The following FEZ1 variants were observed in gnomAD, a reference collection of about 807,000 sequenced individuals.
FEZ1 encodes the protein fasciculation and elongation protein zeta-1.
In FEZ1, 20 loss-of-function variants were observed where a neutral mutation model predicts 49.3. That is an observed-to-expected ratio of 0.41 (90% CI 0.29 to 0.59). The LOEUF is 0.59. Among genes scored for constraint, FEZ1 ranks in the 20% least tolerant of loss-of-function variants. The pLI is 0.36. For synonymous variants in FEZ1, 170 were observed against 180.9 expected (o/e 0.94, Z 0.48); for missense variants, 413 against 476.0 (o/e 0.87, Z 1.23).
intron 8 of FEZ1, among the ~76,000 whole-genome samples, chr11:125,450,678 A>G (rs1956946337): frequency 6.6e-6 from 1 of 152,236 alleles, no homozygotes; most frequent in Non-Finnish European, 1.5e-5. Flanking sequence ...TCTAAAAGCA[A>G]TAAAATGTTG....
intron 3 of FEZ1, 101 bp downstream of exon 3, chr11:125,481,433 C>T: frequency 2.5e-6 from 2 of 802,274 alleles, no homozygotes; most frequent in Non-Finnish European, 2.3e-6. Context: ...AGGCATGAGC[C>T]TCCATCAACA....
chr11:125,454,180 G>C lies in FEZ1; in HGVS notation c.970C>G (p.Leu324Val). ...AAGGTCTGGCGGATGCCACTCTGCA[G>C]AATGTTGGAGATGCCTTCCATGCTG... is the stretch of plus-strand genomic sequence containing the variant. Reference protein sequence around the residue: ...RFSMEGISNILQSGIRQTFGS... With the variant: ...RFSMEGISNIVQSGIRQTFGS... The change falls in exon 7 of 10, where the codon CTG becomes GTG. Residue 324 changes from leucine to valine, a missense_variant. Transcript: ENST00000278919. The C allele has an allele frequency of 6.2e-7, 1 of 1,613,714 alleles. No individual in the cohort carries two copies. The highest frequency in any genetic ancestry group is 8.5e-7 in the Non-Finnish European group (1 of 1,179,830).
chr11:125,490,340 T>C (rs951935187), intron 1 of FEZ1, among the ~76,000 whole-genome samples: 3 of 152,232 alleles, frequency 2.0e-5, no homozygotes, highest in African/African-American at 7.2e-5. Flanking sequence ...AAGCTGTTCA[T>C]GGCTTTAATT....
chr11:125,486,374 C>T (rs960589723), intron 2 of FEZ1, among the ~76,000 whole-genome samples: 3 of 152,094 alleles, frequency 2.0e-5, no homozygotes, highest in Non-Finnish European at 4.4e-5. Flanking sequence ...TCTCTTATGG[C>T]AAAGGAAGAG....
chr11:125,447,267 TA>T (rs1167913705), intron 9 of FEZ1, among the ~76,000 whole-genome samples: 1 of 152,182 alleles, frequency 6.6e-6, no homozygotes, highest in Non-Finnish European at 1.5e-5. Context: ...GAGAACATAT[TA>T]AATTACACCA....
At chr11:125,477,856 CAAA>C (rs11413508) in intron 3 of FEZ1, among the ~76,000 whole-genome samples, 2 of 141,398 alleles carry the variant, frequency 1.4e-5, no homozygotes, top group Non-Finnish European at 1.5e-5. Flanking sequence ...GAGCTTTATG[CAAA>C]AAAAAAAAAA....
chr11:125,462,020 G>A (rs1443651925), intron 4 of FEZ1, among the ~76,000 whole-genome samples: 1 of 152,130 alleles, frequency 6.6e-6, no homozygotes, highest in Non-Finnish European at 1.5e-5. Flanking sequence ...TCATTGAATT[G>A]TAGATCCTCC....
intron 1 of FEZ1, among the ~76,000 whole-genome samples, chr11:125,490,800 T>C (rs755645507): frequency 2.6e-5 from 4 of 152,210 alleles, no homozygotes; most frequent in Non-Finnish European, 5.9e-5. Flanking sequence ...AGCTTCACTC[T>C]GTGGCCCAGG....
intron 5 of FEZ1, 155 bp from the exon 6 acceptor site, chr11:125,456,261 G>T: frequency 1.5e-6 from 1 of 686,920 alleles, no homozygotes; most frequent in Non-Finnish European, 2.3e-6. Flanking sequence ...CACAATTTAC[G>T]AGCACGCCAG....
At chr11:125,467,424 A>G (rs1019818467) in intron 3 of FEZ1, among the ~76,000 whole-genome samples, 2 of 152,240 alleles carry the variant, frequency 1.3e-5, no homozygotes, top group African/African-American at 4.8e-5. Context: ...AGGGAGATGC[A>G]CTAGGGCATG....
At chr11:125,463,945 C>T (rs140768806) in intron 3 of FEZ1, among the ~76,000 whole-genome samples, 123 of 152,220 alleles carry the variant, frequency 8.1e-4, no homozygotes, top group Non-Finnish European at 1.5e-3. Flanking sequence ...GCAAAGGTGC[C>T]CTGATTTTGT....
At chr11:125,490,261 C>G (rs1957368557) in intron 1 of FEZ1, among the ~76,000 whole-genome samples, 1 of 152,202 alleles carries the variant, frequency 6.6e-6, no homozygotes, top group Non-Finnish European at 1.5e-5. Flanking sequence ...TTCTCCATGA[C>G]TTGTTTGGCA....
rs1957356714 is a variant in FEZ1 at position 125,489,167 on chromosome 11, T to C, written c.311+300A>G. The C allele has an allele frequency of 9.4e-7, 1 of 1,060,438 alleles. No homozygotes were observed. The highest frequency in any genetic ancestry group is 6.7e-5 in the East Asian group (1 of 14,976). The allele number at this position is 1,060,438 out of a possible 1,614,324, so 65.7% of individuals were successfully genotyped here. ...TTCTAATATCTCGCTGGATTTCCACTGATATAAAGAAAGCTTAAGATAGAC... is the reference window on the plus strand; with the variant it reads ...TTCTAATATCTCGCTGGATTTCCACCGATATAAAGAAAGCTTAAGATAGAC... On this transcript the variant is annotated intron_variant, in intron 2 of 9. Transcript: ENST00000278919. This position sits in a 1 kb window ranked among gnomAD's most constrained non-coding sequence, Gnocchi z 4.2.
At chr11:125,481,500 A>G in intron 3 of FEZ1, 34 bp downstream of exon 3, 1 of 1,180,728 alleles carries the variant, frequency 8.5e-7, no homozygotes, top group Non-Finnish European at 1.3e-6. Context: ...TCCACATCTC[A>G]AGCCCTGCTA....
intron 4 of FEZ1, 131 bp downstream of exon 4, chr11:125,463,353 G>A (rs1260474340): frequency 1.6e-6 from 1 of 635,956 alleles, no homozygotes; most frequent in African/African-American, 1.8e-5. Context: ...AATACTCTGA[G>A]TCATGAGCAC....
At chr11:125,491,661 C>T (rs1044167196) in intron 1 of FEZ1, among the ~76,000 whole-genome samples, 65 of 152,278 alleles carry the variant, frequency 4.3e-4, no homozygotes, top group African/African-American at 1.5e-3. Flanking sequence ...CCTAGGAGTG[C>T]CCATTCTCCA....
intron 3 of FEZ1, among the ~76,000 whole-genome samples, chr11:125,477,505 A>G (rs1421900902): frequency 6.6e-6 from 1 of 152,066 alleles, no homozygotes; most frequent in Non-Finnish European, 1.5e-5. Flanking sequence ...ACTCCATCAC[A>G]CACACACACA....
chr11:125,493,939 G>C (rs1040199111), intron 1 of FEZ1, among the ~76,000 whole-genome samples: 9 of 152,146 alleles, frequency 5.9e-5, no homozygotes, highest in Admixed American at 2.6e-4. Context: ...TTTGAGTGTT[G>C]GCAACAGGAA....
At chr11:125,484,525 G>A (rs1442755317) in intron 2 of FEZ1, among the ~76,000 whole-genome samples, 2 of 151,458 alleles carry the variant, frequency 1.3e-5, no homozygotes, top group Non-Finnish European at 2.9e-5. Flanking sequence ...AAAATTAGCT[G>A]GGCGTGGTGG....
Sources: gnomAD v4.1 joint callset for allele counts (sites outside exome capture counted in the v4.1 genomes callset) on GRCh38, gnomAD v4.1.1 for gene constraint, Gnocchi (gnomAD v3.1) non-coding constraint, MANE v1.5 for transcripts, NCBI Gene and HGNC (gene_info 2026-07-23, HGNC 2026-07-21) for gene names.